Variants in DAAM1 observed in about 807,000 individuals in gnomAD.
The protein encoded by DAAM1 is dishevelled associated activator of morphogenesis 1, also known as disheveled-associated activator of morphogenesis 1.
A neutral mutation model predicts 130.0 loss-of-function variants in DAAM1; 52 were observed. That is an observed-to-expected ratio of 0.40 (90% CI 0.32 to 0.50). The LOEUF is 0.50. Ranked by LOEUF, DAAM1 falls within the 20% of genes least tolerant of loss-of-function variation. The pLI is 0.61. For missense variants in DAAM1, 1,134 were observed against 1,303.8 expected, an observed-to-expected ratio of 0.87 and a Z score of 2.01; for synonymous variants, 452 against 444.5, an observed-to-expected ratio of 1.02 and a Z score of -0.21.
intron 1 of DAAM1, among the ~76,000 whole-genome samples, chr14:59,192,268 C>T (rs180996383): frequency 7.9e-5 from 12 of 151,548 alleles, no homozygotes; most frequent in Admixed American, 5.9e-4. Context: ...AAGGTGTTTA[C>T]AAGCAAAAGT....
chr14:59,269,076 T>C (rs948932969), intron 2 of DAAM1, among the ~76,000 whole-genome samples: 1 of 152,226 alleles, frequency 6.6e-6, no homozygotes, highest in African/African-American at 2.4e-5. Context: ...GTTAAGAGCC[T>C]GTCTCTGCTA....
At chr14:59,208,824 G>A (rs953320330) in intron 1 of DAAM1, among the ~76,000 whole-genome samples, 14 of 151,986 alleles carry the variant, frequency 9.2e-5, no homozygotes, top group African/African-American at 2.7e-4. Flanking sequence ...GTGGGTTCTC[G>A]CTCAGTTCAG....
intron 22 of DAAM1, among the ~76,000 whole-genome samples, chr14:59,361,716 G>T (rs948924233): frequency 6.6e-6 from 1 of 152,310 alleles, no homozygotes; most frequent in East Asian, 1.9e-4. Context: ...GAGAGAGGGG[G>T]CAGGGATGAG....
intron 3 of DAAM1, among the ~76,000 whole-genome samples, chr14:59,293,502 A>G (rs1883834159): frequency 6.6e-6 from 1 of 152,132 alleles, no homozygotes; most frequent in African/African-American, 2.4e-5. Flanking sequence ...TTTGACAGCT[A>G]GGCCTTTCTT....
chr14:59,291,395 T>C (rs1883735150), intron 3 of DAAM1, 89 bp downstream of exon 3: 1 of 1,044,882 alleles, frequency 9.6e-7, no homozygotes, highest in South Asian at 1.6e-5. Flanking sequence ...TGGACAGCTC[T>C]TTGTAATATG....
At chr14:59,281,164 G>A (rs560918222) in intron 2 of DAAM1, among the ~76,000 whole-genome samples, 11 of 152,232 alleles carry the variant, frequency 7.2e-5, no homozygotes, top group South Asian at 4.2e-4. Context: ...TTCCACCCTC[G>A]GGGGGTTGCC....
At chr14:59,232,982 G>A (rs1056759692) in intron 1 of DAAM1, among the ~76,000 whole-genome samples, 2 of 151,932 alleles carry the variant, frequency 1.3e-5, no homozygotes, top group East Asian at 1.9e-4. Flanking sequence ...TCATTCTTAC[G>A]GCTGCATAGT....
At chr14:59,316,519 C>T (rs1007487476) in intron 4 of DAAM1, among the ~76,000 whole-genome samples, 4 of 152,018 alleles carry the variant, frequency 2.6e-5, no homozygotes, top group African/African-American at 9.7e-5. Flanking sequence ...AAGTTTTTCC[C>T]CAAGGGTTTC....
chr14:59,352,146 C>A (rs4901919), intron 17 of DAAM1, among the ~76,000 whole-genome samples: 97,367 of 151,984 alleles, frequency 0.64, 31,648 homozygotes, highest in East Asian at 0.85. Flanking sequence ...TCACTACCCA[C>A]ACTTGCTTTG....
intron 1 of DAAM1, among the ~76,000 whole-genome samples, chr14:59,231,070 A>G (rs539790325): frequency 1.3e-5 from 2 of 152,328 alleles, no homozygotes; most frequent in Admixed American, 6.5e-5. Context: ...GATGTACTGA[A>G]CATGGGAAGG....
intron 1 of DAAM1, among the ~76,000 whole-genome samples, chr14:59,258,383 A>G (rs573370482): frequency 7.9e-5 from 12 of 152,286 alleles, no homozygotes; most frequent in African/African-American, 2.2e-4. Flanking sequence ...AGACCTCTTC[A>G]GTGTGTGGCC....
At chr14:59,221,368 A>G (rs1398172949) in intron 1 of DAAM1, among the ~76,000 whole-genome samples, 1 of 152,230 alleles carries the variant, frequency 6.6e-6, no homozygotes. Flanking sequence ...CAAAATAGGG[A>G]GGAAATACTC....
At chr14:59,318,900 A>T (rs1186733649) in intron 4 of DAAM1, among the ~76,000 whole-genome samples, 2 of 152,216 alleles carry the variant, frequency 1.3e-5, no homozygotes, top group Non-Finnish European at 2.9e-5. Context: ...GGATAAATAC[A>T]TGCAGTTTTA....
At chr14:59,244,996 T>C (rs1881303430) in intron 1 of DAAM1, among the ~76,000 whole-genome samples, 1 of 152,136 alleles carries the variant, frequency 6.6e-6, no homozygotes, top group East Asian at 1.9e-4. Flanking sequence ...TGATAATTTT[T>C]GTGGAATGGA....
In DAAM1 at chr14:59,302,425, GCTCT is replaced by G. The variant is rs1884208948; in HGVS notation, c.273+11122_273+11125del. On this transcript the variant is annotated intron_variant, in intron 3 of 24. Coordinates refer to ENST00000360909, the MANE Select transcript of DAAM1 (RefSeq NM_001270520.2). The stretch of plus-strand genomic sequence containing the variant: ...GCATGAAGGTAGTGTGTCCTATGGA[GCTCT>G]CTTTTTCCCTCTCAAGTAGGGGTTA... 2.6e-5 allele frequency among the ~76,000 whole-genome samples: 4 copies of G among 152,262 alleles called. No individual in the cohort carries two copies. In the South Asian group the frequency reaches 6.2e-4, roughly 24 times the overall value.
intron 3 of DAAM1, among the ~76,000 whole-genome samples, chr14:59,308,563 G>A (rs932834908): frequency 1.1e-4 from 16 of 152,050 alleles, no homozygotes; most frequent in Non-Finnish European, 2.2e-4. Flanking sequence ...GTGGACCTCT[G>A]GAAGCCTTCT....
intron 22 of DAAM1, 121 bp from the exon 23 acceptor site, chr14:59,363,530 A>G: frequency 7.1e-7 from 1 of 1,409,452 alleles, no homozygotes; most frequent in Admixed American, 2.1e-5. Context: ...GTTTTAGAAC[A>G]AGTTTTGATG....
At chr14:59,330,815 T>C in intron 13 of DAAM1, 127 bp downstream of exon 13, 1 of 975,756 alleles carries the variant, frequency 1.0e-6, no homozygotes, top group Non-Finnish European at 1.5e-6. Context: ...TCATCACAAT[T>C]AGGAGACTCA....
At chr14:59,315,486 C>A in intron 4 of DAAM1, 135 bp downstream of exon 4, 1 of 806,666 alleles carries the variant, frequency 1.2e-6, no homozygotes, top group Non-Finnish European at 2.0e-6. Flanking sequence ...CCTAAACATT[C>A]AATGCTGGGG....
Sources: allele counts gnomAD v4.1 joint callset (sites outside exome capture counted in the v4.1 genomes callset), GRCh38; gene constraint gnomAD v4.1.1; transcripts MANE v1.5; gene names NCBI Gene and HGNC (gene_info 2026-07-23, HGNC 2026-07-21).